MYO18B: variants seen among roughly 807,000 people sequenced by gnomAD.
MYO18B encodes unconventional myosin-XVIIIb.
MYO18B carries 204 observed loss-of-function variants against 273.0 expected under a neutral mutation model. The ratio of observed to expected loss-of-function variants is 0.75; its 90% confidence interval spans 0.67 to 0.84. The LOEUF (loss-of-function observed/expected upper bound fraction) is 0.84. Among genes scored for constraint, MYO18B ranks in the 40% least tolerant of loss-of-function variants. The pLI, the probability that MYO18B is intolerant of heterozygous loss-of-function variation, is 0.00. For missense variants in MYO18B, 3,212 were observed against 3,287.6 expected (o/e 0.98, Z 0.56); for synonymous variants, 1,330 against 1,305.7 (o/e 1.02, Z -0.40).
chr22:25,919,082 C>A (rs983772410), intron 33 of MYO18B, among the ~76,000 whole-genome samples: 3 of 152,108 alleles, frequency 2.0e-5, no homozygotes, highest in Non-Finnish European at 4.4e-5. Flanking sequence ...TGGCAACCAC[C>A]CCGAAATGCA....
At chr22:25,886,656 G>A (rs982821299) in intron 25 of MYO18B, among the ~76,000 whole-genome samples, 1 of 152,162 alleles carries the variant, frequency 6.6e-6, no homozygotes, top group African/African-American at 2.4e-5. Context: ...CTGGGCTATG[G>A]CTGCCTGGTT....
chr22:25,821,500 G>A (rs1019947366), intron 12 of MYO18B, among the ~76,000 whole-genome samples: 6 of 152,230 alleles, frequency 3.9e-5, no homozygotes, highest in South Asian at 2.1e-4. Context: ...TTTATTGGCC[G>A]GGAGTGGGGG....
chr22:25,781,901 C>A lies in MYO18B; in HGVS notation c.2312+67C>A, dbSNP rs1010577838. On this transcript the variant is annotated intron_variant, in intron 10 of 43. Transcript: ENST00000335473. ...ACAAAGGGCACATGTTCTTTGGGGGCCCAGCCTTAGCTTCTGCCCAGCACT... is the reference window on the plus strand; with the variant it reads ...ACAAAGGGCACATGTTCTTTGGGGGACCAGCCTTAGCTTCTGCCCAGCACT... The A allele has an allele frequency of 1.8e-5, 21 of 1,140,860 alleles. No individual in the cohort carries two copies. In the African/African-American group the frequency reaches 3.2e-4, roughly 17 times the overall value. 70.7% of individuals were successfully genotyped at this position (1,140,860 alleles called of 1,614,324 possible).
chr22:25,998,056 C>G (rs988899646), intron 40 of MYO18B, among the ~76,000 whole-genome samples: 2 of 151,816 alleles, frequency 1.3e-5, no homozygotes, highest in Non-Finnish European at 2.9e-5. Flanking sequence ...TACAAAAAGT[C>G]ACATTTCCCC....
chr22:25,765,474 T>C (rs2748223), intron 3 of MYO18B, among the ~76,000 whole-genome samples: 1,661 of 152,206 alleles, frequency 0.011, 43 homozygotes, highest in African/African-American at 0.038. Flanking sequence ...ACCCAGTCAG[T>C]GAGGAACAGG....
intron 8 of MYO18B, among the ~76,000 whole-genome samples, chr22:25,778,590 C>T (rs1406139089): frequency 6.6e-6 from 1 of 152,032 alleles, no homozygotes; most frequent in African/African-American, 2.4e-5. Context: ...AGTGATCCTC[C>T]CACCTCAGCC....
At chr22:25,803,724 A>G (rs2084748428) in intron 12 of MYO18B, among the ~76,000 whole-genome samples, 1 of 152,024 alleles carries the variant, frequency 6.6e-6, no homozygotes, top group South Asian at 2.1e-4. Flanking sequence ...TACCTTCTCT[A>G]TAGGGTGAGG....
intron 13 of MYO18B, among the ~76,000 whole-genome samples, chr22:25,824,113 G>C (rs982463951): frequency 5.4e-4 from 82 of 152,156 alleles, no homozygotes; most frequent in African/African-American, 1.9e-3. Context: ...GCTCACTAAG[G>C]GTTTATAAAC....
Position 25,761,022 on chromosome 22 carries a change from C to G in MYO18B, c.-71C>G, listed in dbSNP as rs2086294622. ...TCATGTGCTGCGTGTGTCTGTAAAG[C>G]CTCATTCCGTGCTGTCTGGCAGGAA... On this transcript the variant is annotated 5_prime_UTR_variant, in exon 2 of 44. Coordinates refer to ENST00000335473, the MANE Select transcript of MYO18B (RefSeq NM_032608.7). 3 of 1,538,534 alleles carry G rather than the reference C, an allele frequency of 1.9e-6. No individual in the cohort carries two copies. In the South Asian group the frequency reaches 3.3e-5, roughly 17 times the overall value.
chr22:26,040,316 C>T, the MYO18B span, among the ~76,000 whole-genome samples: 1 of 152,178 alleles, frequency 6.6e-6, no homozygotes, highest in East Asian at 1.9e-4. Context: ...CTCTACACAG[C>T]TGTGGGGTCC....
intron 34 of MYO18B, among the ~76,000 whole-genome samples, chr22:25,939,308 A>C (rs371478542): frequency 6.6e-6 from 1 of 152,210 alleles, no homozygotes; most frequent in East Asian, 1.9e-4. Flanking sequence ...GGCTAGATCT[A>C]GGTACCCCAA....
At chr22:25,877,166 C>A (rs2091222406) in intron 24 of MYO18B, 1 of 152,186 alleles carries the variant, frequency 6.6e-6, no homozygotes, top group South Asian at 2.1e-4. Flanking sequence ...CTAGACTGGG[C>A]AGGGCTGGAA....
At position 25,895,291 on chromosome 22, in the gene MYO18B, G is replaced by T; in HGVS notation, c.4668+11G>T. 2 of 1,586,266 alleles carry T rather than the reference G, an allele frequency of 1.3e-6. No individual in the cohort carries two copies. The highest frequency in any genetic ancestry group is 2.3e-5 in the East Asian group (1 of 43,468). ...GAGCTGGAGCAAAAGGTAAGATGTG[G>T]GGATAGTCTGGGCCACAGAAGTGTT... On this transcript the variant is annotated intron_variant, in intron 28 of 43. Transcript: ENST00000335473.
At chr22:25,766,510 CT>C (rs2086512653) in intron 3 of MYO18B, among the ~76,000 whole-genome samples, 1 of 152,144 alleles carries the variant, frequency 6.6e-6, no homozygotes. Flanking sequence ...TGCTCTGGAA[CT>C]TTGTGCAAGC....
At chr22:25,947,873 G>A (rs2092733594) in intron 36 of MYO18B, 45 bp downstream of exon 36, 2 of 1,419,212 alleles carry the variant, frequency 1.4e-6, no homozygotes, top group South Asian at 1.2e-5. Context: ...GACTTGGGGT[G>A]GGGTGAATGG....
chr22:25,862,698 T>A (rs983415567), intron 21 of MYO18B, among the ~76,000 whole-genome samples: 2 of 152,170 alleles, frequency 1.3e-5, no homozygotes, highest in African/African-American at 4.8e-5. Flanking sequence ...AGCCACTAAT[T>A]GTTTTGATGC....
chr22:26,035,282 C>G (rs1163028492), downstream of MYO18B, among the ~76,000 whole-genome samples: 1 of 152,220 alleles, frequency 6.6e-6, no homozygotes, highest in African/African-American at 2.4e-5. Flanking sequence ...TCAAGCCAGT[C>G]AACTGGGCTT....
chr22:25,978,139 G>C (rs2093112937), intron 39 of MYO18B, among the ~76,000 whole-genome samples: 1 of 152,228 alleles, frequency 6.6e-6, no homozygotes, highest in Non-Finnish European at 1.5e-5. Flanking sequence ...TAGGGAATTA[G>C]ACATTGGCAA....
rs200574321 is a variant in MYO18B, at chr22:25,763,286, T to C, written c.95T>C (p.Val32Ala). Residue 32 changes from valine to alanine, a missense_variant, in exon 3 of 44, where the codon GTC becomes GCC. By Grantham distance (64) the Val-to-Ala change is moderately conservative. Coordinates refer to ENST00000335473, the MANE Select transcript of MYO18B (RefSeq NM_032608.7). ...PPSSPPPLFS[V>A]IPGGFIKQLV... The stretch of plus-strand genomic sequence containing the variant: ...TCCTCGCCCCCTCCTCTTTTCTCTG[T>C]CATCCCAGGGGGCTTCATTAAGCAA... 2.7e-4 allele frequency: 437 copies of C among 1,612,248 alleles called. 1 individual carries two copies. In the Middle Eastern group the frequency reaches 2.8e-3, roughly 10 times the overall value.
Sources: allele counts gnomAD v4.1 joint callset (sites outside exome capture counted in the v4.1 genomes callset), GRCh38; gene constraint gnomAD v4.1.1; transcripts MANE v1.5; gene names NCBI Gene and HGNC (gene_info 2026-07-23, HGNC 2026-07-21).